RHBDD1: variants seen among roughly 807,000 people sequenced by gnomAD.
The protein encoded by RHBDD1 is rhomboid-related protein 4.
Under a neutral mutation model 36.3 loss-of-function variants are expected in RHBDD1, and 38 were observed. That is an observed-to-expected ratio of 1.05 (90% CI 0.81 to 1.37). The LOEUF (loss-of-function observed/expected upper bound fraction) is 1.37. Among genes scored for constraint, RHBDD1 ranks in the 40% most tolerant of loss-of-function variants. The probability of loss-of-function intolerance (pLI) is 0.00; values close to 1 mark genes in which losing one functional copy is unlikely to be tolerated. For missense variants in RHBDD1, 393 were observed against 377.6 expected (o/e 1.04, Z -0.34); for synonymous variants, 151 against 136.5 (o/e 1.11, Z -0.74).
intron 3 of RHBDD1, among the ~76,000 whole-genome samples, chr2:226,863,416 A>T (rs1944039361): frequency 6.6e-6 from 1 of 152,248 alleles, no homozygotes; most frequent in South Asian, 2.1e-4. Context: ...AGCACTCGCG[A>T]AAGGCAATAC....
chr2:226,870,645 C>T (rs1424516137), intron 5 of RHBDD1, among the ~76,000 whole-genome samples: 1 of 152,188 alleles, frequency 6.6e-6, no homozygotes, highest in Non-Finnish European at 1.5e-5. Context: ...AAAGACTTAA[C>T]TATCAATAGC....
intron 1 of RHBDD1, among the ~76,000 whole-genome samples, chr2:226,837,317 C>G (rs1424060428): frequency 6.6e-6 from 1 of 152,104 alleles, no homozygotes; most frequent in Non-Finnish European, 1.5e-5. Flanking sequence ...GATTCTTCAG[C>G]GGGGTAGATA....
At chr2:226,884,355 C>T (rs370313319) in intron 5 of RHBDD1, among the ~76,000 whole-genome samples, 1 of 152,068 alleles carries the variant, frequency 6.6e-6, no homozygotes, top group Non-Finnish European at 1.5e-5. Context: ...ATCAATTATT[C>T]TGTGATAACC....
At chr2:226,868,688 T>C (rs1944536321) in intron 5 of RHBDD1, among the ~76,000 whole-genome samples, 1 of 152,210 alleles carries the variant, frequency 6.6e-6, no homozygotes, top group Non-Finnish European at 1.5e-5. Context: ...AGTATTCTCA[T>C]GGGGCTGTGT....
chr2:226,940,293 C>T (rs1308017916), intron 8 of RHBDD1, among the ~76,000 whole-genome samples: 2 of 152,028 alleles, frequency 1.3e-5, no homozygotes, highest in South Asian at 2.1e-4. Flanking sequence ...ACAAAAGTGA[C>T]GCTTGAAAAA....
Position 226,996,613 on chromosome 2 carries a change from T to C in RHBDD1, c.*1091T>C, listed in dbSNP as rs537236927. 1.3e-5 allele frequency: 2 copies of C among 152,366 alleles called. No homozygotes were observed. Among genetic ancestry groups the C allele is most frequent in the African/African-American group, 2.4e-5 (1 of 41,594 alleles). 9.4% of individuals were successfully genotyped at this position (152,366 alleles called of 1,614,324 possible). ...TCTTCCTTTTTTGATCTACAACTTA[T>C]ATAGTTTTCTGATTATGCACATAAT... On this transcript the variant is annotated 3_prime_UTR_variant, in exon 9 of 9. Coordinates refer to ENST00000392062, the MANE Select transcript of RHBDD1 (RefSeq NM_001167608.3).
At chr2:226,968,216 CT>C (rs2149308360) in intron 8 of RHBDD1, among the ~76,000 whole-genome samples, 1 of 152,216 alleles carries the variant, frequency 6.6e-6, no homozygotes, top group African/African-American at 2.4e-5. Context: ...GGGATATTAC[CT>C]GGTTTATCAG....
At chr2:226,877,711 C>T (rs1359244316) in intron 5 of RHBDD1, among the ~76,000 whole-genome samples, 2 of 152,170 alleles carry the variant, frequency 1.3e-5, no homozygotes, top group African/African-American at 4.8e-5. Context: ...CTTTGCTATA[C>T]AGCTGAAGTG....
intron 5 of RHBDD1, among the ~76,000 whole-genome samples, chr2:226,886,962 T>C (rs914444456): frequency 5.9e-5 from 9 of 151,980 alleles, no homozygotes; most frequent in African/African-American, 2.2e-4. Context: ...GAAAAAATGA[T>C]AGAATTAATA....
chr2:226,890,610 T>G (rs993656075), intron 5 of RHBDD1, among the ~76,000 whole-genome samples: 1 of 152,212 alleles, frequency 6.6e-6, no homozygotes, highest in African/African-American at 2.4e-5. Flanking sequence ...TTTTGTCACC[T>G]TGGCTAGGAG....
chr2:226,886,255 A>G (rs1435018765), intron 5 of RHBDD1, among the ~76,000 whole-genome samples: 1 of 152,154 alleles, frequency 6.6e-6, no homozygotes, highest in Admixed American at 6.6e-5. Context: ...TGCTTGGTAC[A>G]TTGTAGTTAC....
intron 5 of RHBDD1, 191 bp downstream of exon 5, chr2:226,867,509 A>G: frequency 2.3e-6 from 2 of 882,394 alleles, no homozygotes; most frequent in Non-Finnish European, 2.7e-6. Context: ...ATTAAGCTGT[A>G]TAATTTTGGG....
intron 4 of RHBDD1, 124 bp downstream of exon 4, chr2:226,865,250 G>C (rs952640024): frequency 2.7e-6 from 2 of 748,976 alleles, no homozygotes; most frequent in Non-Finnish European, 4.5e-6. Context: ...GAGGCTTTGC[G>C]TCTTGAAGAG....
At chr2:226,943,406 T>A (rs1223564608) in intron 8 of RHBDD1, among the ~76,000 whole-genome samples, 1 of 152,234 alleles carries the variant, frequency 6.6e-6, no homozygotes, top group African/African-American at 2.4e-5. Flanking sequence ...CTTGAATCAT[T>A]GCATCGGGAT....
intron 3 of RHBDD1, among the ~76,000 whole-genome samples, chr2:226,858,425 T>G (rs1176145989): frequency 6.6e-6 from 1 of 152,198 alleles, no homozygotes; most frequent in East Asian, 1.9e-4. Context: ...ATTACTCCCA[T>G]TAAGACTCTG....
intron 8 of RHBDD1, among the ~76,000 whole-genome samples, chr2:226,928,512 G>A (rs2149086877): frequency 6.6e-6 from 1 of 152,184 alleles, no homozygotes; most frequent in Non-Finnish European, 1.5e-5. Context: ...GCAGTGCTAA[G>A]AGGAAACTTT....
intron 8 of RHBDD1, among the ~76,000 whole-genome samples, chr2:226,970,111 A>C (rs1953165234): frequency 6.6e-6 from 1 of 151,578 alleles, no homozygotes; most frequent in Non-Finnish European, 1.5e-5. Context: ...AAGGGAAAAG[A>C]GAAAAATGAC....
intron 8 of RHBDD1, among the ~76,000 whole-genome samples, chr2:226,941,738 T>G (rs1950680438): frequency 6.6e-6 from 1 of 152,158 alleles, no homozygotes. Context: ...ATCTATAATT[T>G]CACCAAACAT....
At position 226,939,048 on chromosome 2, in the gene RHBDD1, T is replaced by C. The variant is rs527327932; in HGVS notation, c.856+24697T>C. Among the ~76,000 whole-genome samples the C allele has an allele frequency of 3.9e-5, 6 of 152,322 alleles. No individual in the cohort carries two copies. In the East Asian group the frequency reaches 1.2e-3, roughly 29 times the overall value. On this transcript the variant is annotated intron_variant, in intron 8 of 8. Coordinates refer to ENST00000392062, the MANE Select transcript of RHBDD1 (RefSeq NM_001167608.3). ...AAAATCACTTGATTATCTCAATAGATGCAGAAAAGGCTTTCAATAAAATTC... is the reference window on the plus strand; with the variant it reads ...AAAATCACTTGATTATCTCAATAGACGCAGAAAAGGCTTTCAATAAAATTC...
Sources: allele counts gnomAD v4.1 joint callset (sites outside exome capture counted in the v4.1 genomes callset), GRCh38; gene constraint gnomAD v4.1.1; transcripts MANE v1.5; gene names NCBI Gene and HGNC (gene_info 2026-07-23, HGNC 2026-07-21).